The following TAF4 variants were observed in gnomAD, a reference collection of about 807,000 sequenced individuals.
TAF4 encodes the protein TATA-box binding protein associated factor 4, also known as transcription initiation factor TFIID subunit 4.
A neutral mutation model predicts 90.3 loss-of-function variants in TAF4; 9 were observed. The ratio of observed to expected loss-of-function variants is 0.10; its 90% confidence interval spans 0.06 to 0.17. TAF4 has a LOEUF of 0.17. Ranked by LOEUF, TAF4 falls within the 10% of genes least tolerant of loss-of-function variation. The pLI, the probability that TAF4 is intolerant of heterozygous loss-of-function variation, is 1.00. For missense variants in TAF4, 1,351 were observed against 1,370.7 expected (o/e 0.99, Z 0.23); for synonymous variants, 818 against 638.9 (o/e 1.28, Z -4.23).
At chr20:62,046,732 C>A (rs906352862) in intron 1 of TAF4, among the ~76,000 whole-genome samples, 1 of 152,224 alleles carries the variant, frequency 6.6e-6, no homozygotes, top group Non-Finnish European at 1.5e-5. Context: ...CACCGACACA[C>A]GGGATGGCTG....
At chr20:62,053,805 C>T (rs1173286712) in intron 1 of TAF4, among the ~76,000 whole-genome samples, 1 of 152,246 alleles carries the variant, frequency 6.6e-6, no homozygotes, top group Admixed American at 6.5e-5. Flanking sequence ...CAGACACAGA[C>T]AATGACCAAG....
At chr20:62,014,355 C>G (rs1018631269) in intron 2 of TAF4, among the ~76,000 whole-genome samples, 192 bp downstream of exon 2, 2 of 152,162 alleles carry the variant, frequency 1.3e-5, no homozygotes, top group Non-Finnish European at 2.9e-5. Context: ...AGCCCTGCCA[C>G]CGAGAGGAGG....
At chr20:61,993,485 T>C (rs1363778792) in intron 14 of TAF4, among the ~76,000 whole-genome samples, 2 of 152,108 alleles carry the variant, frequency 1.3e-5, no homozygotes, top group East Asian at 3.9e-4. Flanking sequence ...AAGAAAGTGA[T>C]GGAGGGGTGG....
At chr20:62,022,972 G>A (rs1215695294) in intron 1 of TAF4, among the ~76,000 whole-genome samples, 2 of 152,008 alleles carry the variant, frequency 1.3e-5, no homozygotes, top group Non-Finnish European at 2.9e-5. Context: ...GTGAAGGGAC[G>A]TGCACTGTGT....
chr20:61,989,554 C>T (rs1197792025), intron 14 of TAF4, among the ~76,000 whole-genome samples: 61 of 78,748 alleles, frequency 7.7e-4, no homozygotes, highest in East Asian at 1.4e-3. Flanking sequence ...TGAGGGATCC[C>T]GGCACCCACA....
At chr20:62,056,753 A>G (rs1474971785) in intron 1 of TAF4, among the ~76,000 whole-genome samples, 1 of 152,200 alleles carries the variant, frequency 6.6e-6, no homozygotes, top group Non-Finnish European at 1.5e-5. Flanking sequence ...TGACGTTACA[A>G]GTGACTGTAT....
chr20:62,046,954 T>A (rs1381237705), intron 1 of TAF4, among the ~76,000 whole-genome samples: 3 of 152,246 alleles, frequency 2.0e-5, no homozygotes, highest in African/African-American at 4.8e-5. Flanking sequence ...TTACGTACTC[T>A]GGACACCAGT....
chr20:62,019,390 G>A (rs981950732), intron 1 of TAF4, among the ~76,000 whole-genome samples: 4 of 152,244 alleles, frequency 2.6e-5, no homozygotes, highest in South Asian at 2.1e-4. Context: ...GTAACTGTCC[G>A]TGGCTACATA....
chr20:62,065,612 G>A lies in TAF4; in HGVS notation c.199C>T (p.Pro67Ser), dbSNP rs2056126620. 1 of 1,005,496 alleles carries A rather than the reference G, an allele frequency of 9.9e-7. No individual in the cohort carries two copies. The highest frequency in any genetic ancestry group is 1.2e-6 in the Non-Finnish European group (1 of 844,938). 62.3% of individuals were successfully genotyped at this position (1,005,496 alleles called of 1,614,324 possible). ...ALGNHVVSGS[P>S]AGAAGAGPAA... ...GGCCCTGCGCCCGCGGCTCCGGCCGGGCTGCCGCTCACAACATGGTTCCCG... is the reference window on the plus strand; with the variant it reads ...GGCCCTGCGCCCGCGGCTCCGGCCGAGCTGCCGCTCACAACATGGTTCCCG... Residue 67 changes from proline (P) to serine (S), a missense_variant, in exon 1 of 15, where the codon CCG becomes TCG. By Grantham distance (74) the Pro-to-Ser change is moderately conservative. Around this residue, in one of 9 missense-constraint regions of TAF4, gnomAD observed 782 missense variants for 536.6 expected, o/e 1.46. Coordinates refer to ENST00000252996, the MANE Select transcript of TAF4 (RefSeq NM_003185.4).
intron 2 of TAF4, 26 bp from the exon 3 acceptor site, chr20:62,012,960 A>G: frequency 1.9e-6 from 3 of 1,611,142 alleles, no homozygotes; most frequent in South Asian, 1.1e-5. Flanking sequence ...AGTCACCTAA[A>G]ACGAGCGCAA....
At chr20:62,050,015 C>T (rs2145511904) in intron 1 of TAF4, among the ~76,000 whole-genome samples, 2 of 152,308 alleles carry the variant, frequency 1.3e-5, no homozygotes, top group South Asian at 4.1e-4. Context: ...GTCAGCCTCA[C>T]CCGCTCACCC....
chr20:62,013,428 A>G (rs1004978139), intron 2 of TAF4, among the ~76,000 whole-genome samples: 1 of 152,244 alleles, frequency 6.6e-6, no homozygotes, highest in African/African-American at 2.4e-5. Flanking sequence ...ACATGGAAAG[A>G]GCAGATGGCA....
chr20:61,977,039 C>T (rs756294263), intron 14 of TAF4, among the ~76,000 whole-genome samples: 41 of 152,208 alleles, frequency 2.7e-4, no homozygotes, highest in Middle Eastern at 3.4e-3. Flanking sequence ...CAGCAGGGCA[C>T]GCGCCACACA....
intron 14 of TAF4, among the ~76,000 whole-genome samples, chr20:61,978,518 C>CGCGAGACCAACCAAGGCCGGGG (rs1568918990): frequency 6.0e-4 from 82 of 136,766 alleles, no homozygotes; most frequent in African/African-American, 2.2e-3. Context: ...CAAGGGAGGG[C>CGCGAGACCAACCAAGGCCGGGG]GCGAGACCAA....
At chr20:62,038,157 G>A (rs888799036) in intron 1 of TAF4, among the ~76,000 whole-genome samples, 4 of 152,092 alleles carry the variant, frequency 2.6e-5, no homozygotes, top group Middle Eastern at 3.4e-3. Flanking sequence ...GCCTCCAGGT[G>A]GCTGGGACTA....
At chr20:62,000,384 G>C in intron 10 of TAF4, 130 bp from the exon 11 acceptor site, 2 of 1,412,370 alleles carry the variant, frequency 1.4e-6, no homozygotes, top group Non-Finnish European at 1.9e-6. Flanking sequence ...TGGTGGGGTG[G>C]AAGGCAGTGG....
intron 1 of TAF4, among the ~76,000 whole-genome samples, chr20:62,047,871 A>G (rs570926224): frequency 6.6e-6 from 1 of 152,298 alleles, no homozygotes; most frequent in South Asian, 2.1e-4. Flanking sequence ...CCGCAGGTCT[A>G]TTTTTATAAA....
chr20:62,017,048 G>A (rs2055815936), intron 1 of TAF4, among the ~76,000 whole-genome samples: 1 of 151,966 alleles, frequency 6.6e-6, no homozygotes, highest in South Asian at 2.1e-4. Context: ...GGCTAGGGTG[G>A]GAGGATCATC....
intron 9 of TAF4, among the ~76,000 whole-genome samples, chr20:62,001,693 C>A (rs2055704951): frequency 6.6e-6 from 1 of 152,088 alleles, no homozygotes; most frequent in African/African-American, 2.4e-5. Context: ...TGTGGCTGGG[C>A]TGCACAGCTT....
Sources: gnomAD v4.1 joint callset for allele counts (sites outside exome capture counted in the v4.1 genomes callset) on GRCh38, gnomAD v4.1.1 for gene constraint, gnomAD v4.1.1 regional missense constraint, MANE v1.5 for transcripts, NCBI Gene and HGNC (gene_info 2026-07-23, HGNC 2026-07-21) for gene names.